Variants in RBM18 observed in about 807,000 individuals in gnomAD.
RBM18 encodes RNA binding motif protein 18.
Under a neutral mutation model 26.4 loss-of-function variants are expected in RBM18, and 18 were observed. The observed-to-expected ratio is 0.68, with a 90% CI of 0.47 to 1.01. RBM18 has a LOEUF of 1.01. Ranked by LOEUF, RBM18 falls within the 50% of genes least tolerant of loss-of-function variation. The pLI, the probability that RBM18 is intolerant of heterozygous loss-of-function variation, is 0.00. For synonymous variants in RBM18, 74 were observed against 81.1 expected (o/e 0.91, Z 0.47); for missense variants, 180 against 219.2 (o/e 0.82, Z 1.13).
In RBM18 at chr9:122,240,546, T is replaced by G. The variant is rs529407136; in HGVS notation, c.*1338A>C. 39 of 152,322 alleles carry G rather than the reference T, an allele frequency of 2.6e-4. No homozygotes were observed. The highest frequency in any genetic ancestry group is 8.7e-4 in the African/African-American group (36 of 41,572). 9.4% of individuals were successfully genotyped at this position (152,322 alleles called of 1,614,324 possible). A position where few individuals can be genotyped will look rare whatever the true frequency, so the allele number is the denominator to read the frequency against. On this transcript the variant is annotated 3_prime_UTR_variant, in exon 6 of 6. Transcript: ENST00000417201. ...TTGCTAACAACGATAGTGATAAACA[T>G]TCTGTCATCACCAAGAATGGCACCT... is the stretch of plus-strand genomic sequence containing the variant.
chr9:122,259,593 G>A (rs899177350), intron 2 of RBM18, among the ~76,000 whole-genome samples: 13 of 152,266 alleles, frequency 8.5e-5, no homozygotes, highest in Admixed American at 5.2e-4. Flanking sequence ...GCTTGAGCAG[G>A]TTTAAGGAAC....
At chr9:122,262,725 A>G (rs895034245) in intron 1 of RBM18, among the ~76,000 whole-genome samples, 4 of 152,110 alleles carry the variant, frequency 2.6e-5, no homozygotes, top group African/African-American at 9.7e-5. Flanking sequence ...CTGGGATTAC[A>G]GGTGCATGCC....
chr9:122,247,250 A>G (rs1352943813), intron 4 of RBM18, among the ~76,000 whole-genome samples: 1 of 152,174 alleles, frequency 6.6e-6, no homozygotes, highest in Non-Finnish European at 1.5e-5. Context: ...AAGAAATGAC[A>G]GAGGTCTGAG....
In RBM18 at chr9:122,258,759, T is replaced by G. The variant is rs377276449; in HGVS notation, c.113+2621A>C. Reference sequence around the variant, plus strand: ...TTTGACAACAGCCTAGGAAACATACTGAGACCCCTGTCTCTACAAAACAAA... The same window carrying G: ...TTTGACAACAGCCTAGGAAACATACGGAGACCCCTGTCTCTACAAAACAAA... On this transcript the variant is annotated intron_variant, in intron 2 of 5. Transcript: ENST00000417201. Among the ~76,000 whole-genome samples the G allele has an allele frequency of 4.1e-4, 63 of 152,042 alleles. No homozygotes were observed. The South Asian group carries it at 7.5e-3, about 18-fold the overall frequency.
intron 2 of RBM18, among the ~76,000 whole-genome samples, chr9:122,256,456 G>C (rs55869908): frequency 6.6e-6 from 1 of 152,092 alleles, no homozygotes; most frequent in African/African-American, 2.4e-5. Context: ...GTAAAAGAAA[G>C]TCGGTATTAT....
At chr9:122,254,150 G>GGTA (rs1397101406) in intron 2 of RBM18, 1 of 153,952 alleles carries the variant, frequency 6.5e-6, no homozygotes, top group African/African-American at 2.4e-5. Flanking sequence ...GAAGCAGGAA[G>GGTA]GTAACACGAT....
chr9:122,243,328 T>C (rs960031978), intron 5 of RBM18, among the ~76,000 whole-genome samples: 2 of 152,212 alleles, frequency 1.3e-5, no homozygotes, highest in African/African-American at 4.8e-5. Flanking sequence ...ATGCATGTTT[T>C]ATAGATACAG....
intron 2 of RBM18, among the ~76,000 whole-genome samples, chr9:122,258,645 G>T (rs1176815388): frequency 6.6e-6 from 1 of 151,944 alleles, no homozygotes; most frequent in Non-Finnish European, 1.5e-5. Context: ...TTAAGGTAAA[G>T]AATCCATAGG....
Position 122,241,372 on chromosome 9 carries a change from C to CT in RBM18, c.*511dup, listed in dbSNP as rs1161969091. On this transcript the variant is annotated 3_prime_UTR_variant, in exon 6 of 6. Transcript: ENST00000417201. ...AGCTCCTTTTTGCCAAGAACTTTCT[C>CT]TTTTTCAGTCCAGTTGGAGGGATTG... is the stretch of plus-strand genomic sequence containing the variant. 1.3e-5 allele frequency: 2 copies of CT among 152,636 alleles called. No homozygotes were observed. The highest frequency in any genetic ancestry group is 4.8e-5 in the African/African-American group (2 of 41,456). The allele number at this position is 152,636 out of a possible 1,614,324, so 9.5% of individuals were successfully genotyped here. A position where few individuals can be genotyped will look rare whatever the true frequency, so the allele number is the denominator to read the frequency against.
In RBM18 at chr9:122,238,316, TAA is replaced by T. The variant is rs1349128485; in HGVS notation, c.*3566_*3567del. On this transcript the variant is annotated 3_prime_UTR_variant, in exon 6 of 6. Transcript: ENST00000417201. ...TGCTTACATGAAACTTACATTCCAA[TAA>T]AAAGAGACAAAAAAAAATTTAGATA... is the stretch of plus-strand genomic sequence containing the variant. 1.3e-5 allele frequency: 2 copies of T among 152,140 alleles called. No homozygotes were observed. The highest frequency in any genetic ancestry group is 1.9e-4 in the East Asian group (1 of 5,196). The allele number at this position is 152,140 out of a possible 1,614,324, so 9.4% of individuals were successfully genotyped here.
Position 122,239,480 on chromosome 9 carries a change from C to T in RBM18, c.*2404G>A, listed in dbSNP as rs1321769240. On this transcript the variant is annotated 3_prime_UTR_variant, in exon 6 of 6. Transcript: ENST00000417201. ...AGAAAATAGTTCATACGTCTCTCCT[C>T]AGTATTTCCTTCAATTCTTCACTCT... is the stretch of plus-strand genomic sequence containing the variant. 1 of 152,186 alleles carries T rather than the reference C, an allele frequency of 6.6e-6. No individual in the cohort carries two copies. Among genetic ancestry groups the T allele is most frequent in the Non-Finnish European group, 1.5e-5 (1 of 68,034 alleles). The allele number at this position is 152,186 out of a possible 1,614,324, so 9.4% of individuals were successfully genotyped here. A position where few individuals can be genotyped will look rare whatever the true frequency, so the allele number is the denominator to read the frequency against.
intron 5 of RBM18, among the ~76,000 whole-genome samples, chr9:122,244,558 T>A (rs1002707759): frequency 1.3e-5 from 2 of 152,208 alleles, no homozygotes; most frequent in Non-Finnish European, 2.9e-5. Context: ...CAGCCATAAG[T>A]AAATGACACA....
rs1040929366 is a variant in RBM18, at chr9:122,264,745, A to G, written c.-47T>C. The stretch of plus-strand genomic sequence containing the variant: ...GGCCTCGGCGTGGTGCTCTCAGCTC[A>G]TGCCCGGAAACCAGGTCCCGACGCC... On this transcript the variant is annotated 5_prime_UTR_variant, in exon 1 of 6. An upstream start codon of the reference 5' UTR is lost. Coordinates refer to ENST00000417201, the MANE Select transcript of RBM18 (RefSeq NM_033117.4). 2 of 152,278 alleles carry G rather than the reference A, an allele frequency of 1.3e-5. No individual in the cohort carries two copies. Among genetic ancestry groups the G allele is most frequent in the African/African-American group, 2.4e-5 (1 of 41,440 alleles). 9.4% of individuals were successfully genotyped at this position (152,278 alleles called of 1,614,324 possible).
At chr9:122,251,462 T>C (rs1177156856) in intron 3 of RBM18, among the ~76,000 whole-genome samples, 2 of 152,176 alleles carry the variant, frequency 1.3e-5, no homozygotes, top group Non-Finnish European at 1.5e-5. Context: ...TTTGTGGGTG[T>C]CTCATCACAG....
chr9:122,243,071 G>A (rs982590362), intron 5 of RBM18, among the ~76,000 whole-genome samples: 3 of 152,072 alleles, frequency 2.0e-5, no homozygotes, highest in African/African-American at 4.8e-5. Context: ...CTCGTGATCC[G>A]TCCGCCTTGA....
rs923283740 is a variant in RBM18, at chr9:122,258,450, G to A, written c.113+2930C>T. Among the ~76,000 whole-genome samples, 9 of 152,008 alleles carry A rather than the reference G, an allele frequency of 5.9e-5. No homozygotes were observed. The East Asian group carries it at 1.4e-3, about 23-fold the overall frequency. ...CGCCTGGATAATTTTTGTATTTTTA[G>A]TAGAAATGGGGTTTCACCACATTGG... On this transcript the variant is annotated intron_variant, in intron 2 of 5. Transcript: ENST00000417201.
intron 2 of RBM18, among the ~76,000 whole-genome samples, chr9:122,253,056 A>G (rs1299115512): frequency 1.3e-5 from 2 of 152,168 alleles, no homozygotes; most frequent in African/African-American, 4.8e-5. Flanking sequence ...TCTCTAAACA[A>G]TGCTGTCCCT....
intron 4 of RBM18, among the ~76,000 whole-genome samples, chr9:122,246,892 G>C (rs1831514367): frequency 6.6e-6 from 1 of 152,166 alleles, no homozygotes; most frequent in Non-Finnish European, 1.5e-5. Context: ...GTGCCAGCTG[G>C]AACAGAATGC....
At chr9:122,256,363 A>G (rs1053744855) in intron 2 of RBM18, among the ~76,000 whole-genome samples, 3 of 152,140 alleles carry the variant, frequency 2.0e-5, no homozygotes, top group African/African-American at 4.8e-5. Flanking sequence ...TAGCGTTTCT[A>G]TGGGCTTTGT....
Sources: allele counts gnomAD v4.1 joint callset (sites outside exome capture counted in the v4.1 genomes callset), GRCh38; gene constraint gnomAD v4.1.1; transcripts MANE v1.5; gene names NCBI Gene and HGNC (gene_info 2026-07-23, HGNC 2026-07-21).